The following TMTC2 variants were observed in gnomAD, a reference collection of about 807,000 sequenced individuals.
The protein encoded by TMTC2 is transmembrane O-mannosyltransferase targeting cadherins 2.
A neutral mutation model predicts 82.4 loss-of-function variants in TMTC2; 43 were observed. The observed-to-expected ratio is 0.52, with a 90% CI of 0.41 to 0.67. The LOEUF (loss-of-function observed/expected upper bound fraction) is 0.67. TMTC2 is among the 30% of genes least tolerant of loss of function. TMTC2 has a pLI of 0.00. For synonymous variants in TMTC2, 408 were observed against 381.9 expected, an observed-to-expected ratio of 1.07 and a Z score of -0.80; for missense variants, 919 against 1,012.4, an observed-to-expected ratio of 0.91 and a Z score of 1.25.
At chr12:82,832,600 G>A (rs191410733) in intron 1 of TMTC2, among the ~76,000 whole-genome samples, 1 of 152,182 alleles carries the variant, frequency 6.6e-6, no homozygotes, top group Admixed American at 6.5e-5. Flanking sequence ...TCTTTGCAAA[G>A]CAGTGGTGAC....
intron 1 of TMTC2, among the ~76,000 whole-genome samples, chr12:82,782,023 G>T (rs1046271311): frequency 6.6e-6 from 1 of 152,004 alleles, no homozygotes. Context: ...TCCCCCATCC[G>T]CAGAGAAAAG....
chr12:82,866,895 A>G (rs1271917242), intron 2 of TMTC2, among the ~76,000 whole-genome samples: 1 of 152,232 alleles, frequency 6.6e-6, no homozygotes, highest in Non-Finnish European at 1.5e-5. Context: ...ACTTATGTCA[A>G]ATGCATTGAT....
intron 1 of TMTC2, among the ~76,000 whole-genome samples, chr12:82,838,077 T>C (rs1870145540): frequency 6.6e-6 from 1 of 152,230 alleles, no homozygotes; most frequent in African/African-American, 2.4e-5. Context: ...GTTCTTCACA[T>C]ACATTAAGTA....
At chr12:83,122,739 C>T (rs1884993666) in intron 11 of TMTC2, among the ~76,000 whole-genome samples, 1 of 152,124 alleles carries the variant, frequency 6.6e-6, no homozygotes, top group African/African-American at 2.4e-5. Flanking sequence ...CTCAGATTTC[C>T]TGATTTATTC....
intron 7 of TMTC2, among the ~76,000 whole-genome samples, chr12:82,971,404 A>C (rs1371446739): frequency 6.6e-6 from 1 of 152,142 alleles, no homozygotes; most frequent in African/African-American, 2.4e-5. Flanking sequence ...TGGATACTTA[A>C]AATTTTTTTA....
chr12:82,889,885 TTATATC>T (rs1873307604), intron 2 of TMTC2, among the ~76,000 whole-genome samples: 1 of 152,092 alleles, frequency 6.6e-6, no homozygotes, highest in Non-Finnish European at 1.5e-5. Context: ...ATATTGAAAT[TTATATC>T]TATTTCTGTT....
chr12:82,812,839 G>C lies in TMTC2; in HGVS notation c.84-44171G>C, dbSNP rs566165801. On this transcript the variant is annotated intron_variant, in intron 1 of 11. Coordinates refer to ENST00000321196, the MANE Select transcript of TMTC2 (RefSeq NM_152588.3). ...AGAAATATTACTGATCTTAAAACAT[G>C]ATTTGTAGGATTAAAAACAAATTTT... Among the ~76,000 whole-genome samples the C allele has an allele frequency of 2.0e-5, 3 of 151,932 alleles. No homozygotes were observed. The South Asian group carries it at 6.2e-4, about 32-fold the overall frequency.
At chr12:83,053,533 C>G (rs1416272742) in intron 10 of TMTC2, among the ~76,000 whole-genome samples, 2 of 151,878 alleles carry the variant, frequency 1.3e-5, no homozygotes, top group Non-Finnish European at 2.9e-5. Flanking sequence ...CTGCTCATTA[C>G]AAATGTAGCA....
At chr12:82,846,453 G>C (rs906994404) in intron 1 of TMTC2, among the ~76,000 whole-genome samples, 27 of 152,214 alleles carry the variant, frequency 1.8e-4, no homozygotes, top group African/African-American at 6.5e-4. Context: ...GAAGCTCTAT[G>C]AAGGCAAATC....
chr12:82,976,886 G>A (rs374513613), intron 7 of TMTC2, among the ~76,000 whole-genome samples: 1 of 151,938 alleles, frequency 6.6e-6, no homozygotes, highest in African/African-American at 2.4e-5. Flanking sequence ...GGCATACTTC[G>A]TAAAAAAATG....
chr12:82,749,376 G>A (rs770030013), intron 1 of TMTC2, among the ~76,000 whole-genome samples: 96 of 152,036 alleles, frequency 6.3e-4, no homozygotes, highest in Non-Finnish European at 1.2e-3. Context: ...CCTTGCCCTC[G>A]TAGACTTACA....
intron 1 of TMTC2, 27 bp downstream of exon 1, chr12:82,687,696 G>A: frequency 1.9e-6 from 3 of 1,581,984 alleles, no homozygotes; most frequent in South Asian, 1.2e-5. Flanking sequence ...AGGGGGCGAC[G>A]GGCTGCAGGG....
At chr12:83,030,135 A>C (rs1324556191) in intron 8 of TMTC2, among the ~76,000 whole-genome samples, 3 of 152,146 alleles carry the variant, frequency 2.0e-5, no homozygotes, top group Non-Finnish European at 4.4e-5. Context: ...GAGGCCAAGG[A>C]TAAGCTGTAA....
intron 8 of TMTC2, among the ~76,000 whole-genome samples, chr12:83,016,181 T>G (rs2137395104): frequency 6.6e-6 from 1 of 152,350 alleles, no homozygotes; most frequent in African/African-American, 2.4e-5. Context: ...CAAATTAACA[T>G]TTGTAAGCTG....
chr12:82,831,132 A>C (rs1323761563), intron 1 of TMTC2, among the ~76,000 whole-genome samples: 1 of 152,242 alleles, frequency 6.6e-6, no homozygotes, highest in Non-Finnish European at 1.5e-5. Context: ...AACAAAACCC[A>C]GGATATTGCC....
chr12:82,982,083 C>T (rs1011941286), intron 7 of TMTC2, among the ~76,000 whole-genome samples: 7 of 150,558 alleles, frequency 4.6e-5, no homozygotes, highest in African/African-American at 1.5e-4. Flanking sequence ...TAAAATGAGA[C>T]TGATAATAAC....
intron 1 of TMTC2, among the ~76,000 whole-genome samples, chr12:82,732,240 C>T (rs1052473840): frequency 1.3e-5 from 2 of 152,066 alleles, no homozygotes; most frequent in Admixed American, 6.6e-5. Flanking sequence ...ATTGATTGAT[C>T]TTTCTACAGA....
At chr12:82,742,251 G>A (rs1405830490) in intron 1 of TMTC2, among the ~76,000 whole-genome samples, 1 of 151,828 alleles carries the variant, frequency 6.6e-6, no homozygotes, top group East Asian at 1.9e-4. Flanking sequence ...ATGTCTTCAT[G>A]TATTTCTTCC....
Position 82,696,964 on chromosome 12 carries a change from G to GTATATATATATATATATA in TMTC2, c.83+9297_83+9314dup, listed in dbSNP as rs3993380. Among the ~76,000 whole-genome samples, 82 of 141,534 alleles carry GTATATATATATATATATA rather than the reference G, an allele frequency of 5.8e-4. 1 individual carries two copies. Among genetic ancestry groups the GTATATATATATATATATA allele is most frequent in the African/African-American group, 2.0e-3 (78 of 38,140 alleles). 92.9% of individuals were successfully genotyped at this position (141,534 alleles called of 152,430 possible). Reference sequence around the variant, plus strand: ...GCTCTCTTTCTACATACATACATACGTATATATATATATATATATGTTTCT... The same window carrying GTATATATATATATATATA: ...GCTCTCTTTCTACATACATACATACGTATATATATATATATATATATATATATATATATATATGTTTCT... On this transcript the variant is annotated intron_variant, in intron 1 of 11. Transcript: ENST00000321196.
Sources: gnomAD v4.1 joint callset for allele counts (sites outside exome capture counted in the v4.1 genomes callset) on GRCh38, gnomAD v4.1.1 for gene constraint, MANE v1.5 for transcripts, NCBI Gene and HGNC (gene_info 2026-07-23, HGNC 2026-07-21) for gene names.